Variants in ADARB2 observed in about 807,000 individuals in gnomAD.
The protein encoded by ADARB2 is inactive double-stranded RNA-specific editase B2.
Under a neutral mutation model 62.2 loss-of-function variants are expected in ADARB2, and 25 were observed. The ratio of observed to expected loss-of-function variants is 0.40; its 90% CI spans 0.29 to 0.56. The LOEUF (loss-of-function observed/expected upper bound fraction) is 0.56. Ranked by LOEUF, ADARB2 falls within the 20% of genes least tolerant of loss-of-function variation. The probability of loss-of-function intolerance (pLI) is 0.43; values close to 1 mark genes in which losing one functional copy is unlikely to be tolerated. For missense variants in ADARB2, 1,071 were observed against 1,077.4 expected, an observed-to-expected ratio of 0.99 and a Z score of 0.08; for synonymous variants, 572 against 500.8, an observed-to-expected ratio of 1.14 and a Z score of -1.90.
chr10:1,493,266 G>C lies in ADARB2; in HGVS notation c.101-114106C>G, dbSNP rs371008716. Among the ~76,000 whole-genome samples, 6 of 152,256 alleles carry C rather than the reference G, an allele frequency of 3.9e-5. No individual in the cohort carries two copies. In the South Asian group the frequency reaches 6.2e-4, roughly 16 times the overall value. ...TGGAAGTATTTATGCTATTTATAAA[G>C]TATTAGGTGGTGCAGGTTACAGAAA... On this transcript the variant is annotated intron_variant, in intron 1 of 9. Coordinates refer to ENST00000381312, the MANE Select transcript of ADARB2 (RefSeq NM_018702.4).
At chr10:1,663,620 A>ATTTTTTT (rs55695844) in intron 1 of ADARB2, among the ~76,000 whole-genome samples, 2 of 148,366 alleles carry the variant, frequency 1.3e-5, no homozygotes, top group African/African-American at 2.5e-5. Context: ...TGACAAATGA[A>ATTTTTTT]TTTTTTTTTT....
Position 1,736,656 on chromosome 10 carries a change from C to T in ADARB2, c.100+395G>A, listed in dbSNP as rs371404757. Among the ~76,000 whole-genome samples, 287 of 152,326 alleles carry T rather than the reference C, an allele frequency of 1.9e-3. 2 individuals carry two copies. The highest frequency in any genetic ancestry group is 6.6e-3 in the African/African-American group (275 of 41,580). The stretch of plus-strand genomic sequence containing the variant: ...TGGATGGGAGTAGCTGGCGCGAGGG[C>T]TCGTTCCCCCGTTTTTGGGTAATTC... On this transcript the variant is annotated intron_variant, in intron 1 of 9. Transcript: ENST00000381312.
At chr10:1,265,526 C>G (rs1243117636) in intron 4 of ADARB2, among the ~76,000 whole-genome samples, 1 of 152,186 alleles carries the variant, frequency 6.6e-6, no homozygotes, top group East Asian at 1.9e-4. Flanking sequence ...CCATGCCCTC[C>G]CAGAAGACGC....
chr10:1,289,253 C>G (rs975213524), intron 3 of ADARB2, among the ~76,000 whole-genome samples: 12 of 152,210 alleles, frequency 7.9e-5, no homozygotes, highest in Non-Finnish European at 1.6e-4. Context: ...TCCCGTCTTT[C>G]CAGACTGAAC....
intron 1 of ADARB2, among the ~76,000 whole-genome samples, chr10:1,533,288 C>CTTTTTT (rs5782582): frequency 2.1e-5 from 3 of 142,592 alleles, no homozygotes. Context: ...CTGGCTCATT[C>CTTTTTT]TTTTTTTTTT....
chr10:1,241,717 TGGCACAGGA>T (rs1165485494), intron 5 of ADARB2, among the ~76,000 whole-genome samples: 1 of 152,158 alleles, frequency 6.6e-6, no homozygotes, highest in Non-Finnish European at 1.5e-5. Context: ...CACATGTACT[TGGCACAGGA>T]GGCAAGAAGA....
At chr10:1,246,210 T>G (rs1478866874) in intron 4 of ADARB2, among the ~76,000 whole-genome samples, 1 of 152,050 alleles carries the variant, frequency 6.6e-6, no homozygotes, top group Non-Finnish European at 1.5e-5. Flanking sequence ...TAAATTTGTT[T>G]GAGTTCATTG....
chr10:1,323,957 GAAC>G (rs1831820203), intron 3 of ADARB2, among the ~76,000 whole-genome samples: 1 of 152,286 alleles, frequency 6.6e-6, no homozygotes, highest in Admixed American at 6.5e-5. Context: ...TTAAAGGGAT[GAAC>G]AACAAGCCAT....
At chr10:1,515,129 T>A (rs183202982) in intron 1 of ADARB2, among the ~76,000 whole-genome samples, 4 of 152,210 alleles carry the variant, frequency 2.6e-5, no homozygotes, top group East Asian at 1.9e-4. Context: ...TAGTGCAACA[T>A]CATTAACAAA....
chr10:1,275,713 G>A (rs531275844), intron 3 of ADARB2, among the ~76,000 whole-genome samples: 2 of 134,498 alleles, frequency 1.5e-5, no homozygotes, highest in Non-Finnish European at 3.0e-5. Flanking sequence ...GTGTCCATGT[G>A]TTCTCATTGT....
chr10:1,616,685 C>A (rs1463243299), intron 1 of ADARB2, among the ~76,000 whole-genome samples: 1 of 148,496 alleles, frequency 6.7e-6, no homozygotes, highest in Admixed American at 6.7e-5. Context: ...GCTCTGCATC[C>A]TGGGAACTGG....
chr10:1,194,225 C>T (rs73588436), intron 8 of ADARB2, among the ~76,000 whole-genome samples: 3,210 of 152,248 alleles, frequency 0.021, 101 homozygotes, highest in African/African-American at 0.074. Context: ...TTAACTCATT[C>T]GACTTTGAAT....
At chr10:1,446,453 T>C (rs1314557320) in intron 1 of ADARB2, among the ~76,000 whole-genome samples, 3 of 152,220 alleles carry the variant, frequency 2.0e-5, no homozygotes, top group Non-Finnish European at 4.4e-5. Flanking sequence ...TTGTTACTAT[T>C]TTTCCCACTT....
intron 2 of ADARB2, among the ~76,000 whole-genome samples, chr10:1,377,830 A>G (rs1046006510): frequency 4.6e-5 from 7 of 152,164 alleles, no homozygotes; most frequent in African/African-American, 1.7e-4. Flanking sequence ...CCTGACACTC[A>G]AAGGCTGTGA....
At position 1,419,323 on chromosome 10, in the gene ADARB2, T is replaced by C. The variant is rs1263612368; in HGVS notation, c.101-40163A>G. On this transcript the variant is annotated intron_variant, in intron 1 of 9. Transcript: ENST00000381312. ...GTTGATCAGGCTGGTCTCGAACTCC[T>C]GACCTCATTTTATTGATCATTTTAT... 2.6e-5 allele frequency among the ~76,000 whole-genome samples: 4 copies of C among 152,236 alleles called. No individual in the cohort carries two copies. In the East Asian group the frequency reaches 7.7e-4, roughly 29 times the overall value.
chr10:1,270,362 G>T (rs1831249287), intron 4 of ADARB2, among the ~76,000 whole-genome samples: 1 of 152,162 alleles, frequency 6.6e-6, no homozygotes, highest in African/African-American at 2.4e-5. Flanking sequence ...TGACGAGGAG[G>T]TCATTACACA....
In ADARB2 at chr10:1,612,196, C is replaced by T. The variant is rs963207886; in HGVS notation, c.100+124855G>A. Among the ~76,000 whole-genome samples the T allele has an allele frequency of 4.6e-5, 7 of 152,318 alleles. No homozygotes were observed. In the East Asian group the frequency reaches 1.2e-3, roughly 25 times the overall value. ...GAAATTCAGAAGAGGCTGGGGTCCT[C>T]GTCTTTTTCTGAGTTGTGAGGAGGG... On this transcript the variant is annotated intron_variant, in intron 1 of 9. Coordinates refer to ENST00000381312, the MANE Select transcript of ADARB2 (RefSeq NM_018702.4).
chr10:1,416,230 CAT>C (rs1187309790), intron 1 of ADARB2, among the ~76,000 whole-genome samples: 1 of 152,206 alleles, frequency 6.6e-6, no homozygotes, highest in Non-Finnish European at 1.5e-5. Context: ...TATGTACACA[CAT>C]GTACATTTGC....
At chr10:1,559,302 T>C (rs1319445575) in intron 1 of ADARB2, among the ~76,000 whole-genome samples, 1 of 152,204 alleles carries the variant, frequency 6.6e-6, no homozygotes, top group African/African-American at 2.4e-5. Flanking sequence ...AGGGCTGTGA[T>C]CACTGGCTCT....
Sources: gnomAD v4.1 joint callset for allele counts (sites outside exome capture counted in the v4.1 genomes callset) on GRCh38, gnomAD v4.1.1 for gene constraint, MANE v1.5 for transcripts, NCBI Gene and HGNC (gene_info 2026-07-23, HGNC 2026-07-21) for gene names.